The following ZEB2 variants were observed in gnomAD, a reference collection of about 807,000 sequenced individuals.
ZEB2 encodes zinc finger E-box-binding homeobox 2.
A neutral mutation model predicts 99.9 loss-of-function variants in ZEB2; 6 were observed. The ratio of observed to expected loss-of-function variants is 0.06; its 90% CI spans 0.03 to 0.12. The LOEUF (loss-of-function observed/expected upper bound fraction) is 0.12, where lower values mean the gene tolerates loss of function less well. ZEB2 is among the 10% of genes least tolerant of loss of function. The probability of loss-of-function intolerance (pLI) is 1.00; values close to 1 mark genes in which losing one functional copy is unlikely to be tolerated. For missense variants in ZEB2, 969 were observed against 1,502.8 expected (o/e 0.64, Z 5.87); for synonymous variants, 517 against 542.5 (o/e 0.95, Z 0.65).
At chr2:144,476,409 C>T (rs778105343) in intron 2 of ZEB2, among the ~76,000 whole-genome samples, 3 of 152,122 alleles carry the variant, frequency 2.0e-5, no homozygotes, top group Non-Finnish European at 4.4e-5. Flanking sequence ...CTCAGCACAC[C>T]TACTCACTTA....
chr2:144,409,708 A>G (rs527332284), intron 4 of ZEB2, among the ~76,000 whole-genome samples: 3 of 152,138 alleles, frequency 2.0e-5, no homozygotes, highest in Non-Finnish European at 2.9e-5. Context: ...TAGCTTGGGC[A>G]ACAAATCTCG....
At position 144,399,372 on chromosome 2, in the gene ZEB2, C is replaced by T. The variant is rs1168798357; in HGVS notation, c.1815G>A (p.Lys605=). The T allele has an allele frequency of 2.5e-6, 4 of 1,613,990 alleles. No homozygotes were observed. The African/African-American group carries it at 5.3e-5, about 22-fold the overall frequency. ...GGACCGCCTTGATCTCTTCATTCAT[C>T]TTACAAAGGTAACGTTCATGCTGAT... The part of the protein sequence containing the change: ...PLHQHERYLC[K]MNEEIKAVLQ... Residue 605 remains lysine (K), a synonymous_variant, in exon 8 of 10, where the codon AAG becomes AAA. Coordinates refer to ENST00000627532, the MANE Select transcript of ZEB2 (RefSeq NM_014795.4). The surrounding 1 kb of genome is among the most constrained non-coding windows in gnomAD (Gnocchi z 5.6).
intron 2 of ZEB2, among the ~76,000 whole-genome samples, chr2:144,469,501 A>C (rs1280329798): frequency 6.6e-6 from 1 of 152,140 alleles, no homozygotes; most frequent in East Asian, 1.9e-4. Context: ...CACCTAGCCC[A>C]TAACAGGCTT....
At chr2:144,402,984 G>T (rs376369551) in intron 6 of ZEB2, among the ~76,000 whole-genome samples, 2 of 152,148 alleles carry the variant, frequency 1.3e-5, no homozygotes, top group East Asian at 1.9e-4. Context: ...TAAGAATTTT[G>T]AATACAATAT....
At chr2:144,492,334 G>A (rs1704692870) in intron 2 of ZEB2, among the ~76,000 whole-genome samples, 1 of 152,168 alleles carries the variant, frequency 6.6e-6, no homozygotes, top group Admixed American at 6.5e-5. Flanking sequence ...TGATTGACTT[G>A]TTGACGGGCA....
intron 2 of ZEB2, among the ~76,000 whole-genome samples, chr2:144,493,114 T>C (rs1704706055): frequency 6.6e-6 from 1 of 152,204 alleles, no homozygotes; most frequent in Non-Finnish European, 1.5e-5. Flanking sequence ...CCAATCACTA[T>C]GACTATTTCT....
At chr2:144,405,737 CAG>C (rs925469089) in intron 4 of ZEB2, among the ~76,000 whole-genome samples, 1 of 151,850 alleles carries the variant, frequency 6.6e-6, no homozygotes, top group African/African-American at 2.4e-5. Context: ...TAAAAAGTAA[CAG>C]AGGGAGTTAA....
intron 2 of ZEB2, among the ~76,000 whole-genome samples, chr2:144,469,079 C>A (rs1420501097): frequency 6.6e-6 from 1 of 152,078 alleles, no homozygotes; most frequent in East Asian, 1.9e-4. Flanking sequence ...ACTTTTGAAC[C>A]TTTGGTGCTG....
At chr2:144,487,203 T>C (rs1450626488) in intron 2 of ZEB2, among the ~76,000 whole-genome samples, 4 of 152,170 alleles carry the variant, frequency 2.6e-5, no homozygotes, top group African/African-American at 9.7e-5. Context: ...TCTGCTCATG[T>C]GAACTTAAGT....
In ZEB2 at chr2:144,398,669, T is replaced by C; in HGVS notation, c.2518A>G (p.Ser840Gly). 1 of 1,613,990 alleles carries C rather than the reference T, an allele frequency of 6.2e-7. No homozygotes were observed. The highest frequency in any genetic ancestry group is 8.5e-7 in the Non-Finnish European group (1 of 1,179,998). The change falls in exon 8 of 10, where the codon AGT becomes GGT. Residue 840 changes from serine (S) to glycine (G), a missense_variant. Coordinates refer to ENST00000627532, the MANE Select transcript of ZEB2 (RefSeq NM_014795.4). ...CTGTTATGATCTAAACTGATGCTAC[T>C]AGCTTTTGTTTTGTTCTTTGTGGCT... ...IIATKNKTKASSISLDHNSVS... is the reference protein window; with the variant it reads ...IIATKNKTKAGSISLDHNSVS...
chr2:144,473,868 T>C (rs1204403005), intron 2 of ZEB2, among the ~76,000 whole-genome samples: 1 of 152,214 alleles, frequency 6.6e-6, no homozygotes, highest in Non-Finnish European at 1.5e-5. Context: ...AAGGACATTT[T>C]CTTTAAAAAA....
rs201251001 is a variant in ZEB2 at position 144,451,946 on chromosome 2, A to AT, written c.74-21921dup. Among the ~76,000 whole-genome samples the AT allele has an allele frequency of 8.6e-5, 13 of 151,870 alleles. No homozygotes were observed. In the East Asian group the frequency reaches 1.2e-3, roughly 14 times the overall value. ...TTTGTCAAGCTTTTTAAACATAACTATTTTTTTTCTCCAAATAACATCTTC... is the reference window on the plus strand; with the variant it reads ...TTTGTCAAGCTTTTTAAACATAACTATTTTTTTTTCTCCAAATAACATCTTC... On this transcript the variant is annotated intron_variant, in intron 2 of 9. Coordinates refer to ENST00000627532, the MANE Select transcript of ZEB2 (RefSeq NM_014795.4).
chr2:144,486,646 A>G (rs1704601367), intron 2 of ZEB2, among the ~76,000 whole-genome samples: 2 of 152,162 alleles, frequency 1.3e-5, no homozygotes, highest in Non-Finnish European at 2.9e-5. Flanking sequence ...GCATGTTGAA[A>G]TGTGTAATTA....
intron 2 of ZEB2, among the ~76,000 whole-genome samples, chr2:144,434,566 C>T (rs1421569589): frequency 6.6e-6 from 1 of 152,134 alleles, no homozygotes; most frequent in Non-Finnish European, 1.5e-5. Flanking sequence ...TACAAATTCC[C>T]AGTGCAGAAT....
intron 6 of ZEB2, among the ~76,000 whole-genome samples, chr2:144,403,376 T>A (rs1414245463): frequency 1.3e-5 from 2 of 152,094 alleles, no homozygotes; most frequent in Admixed American, 1.3e-4. Flanking sequence ...TTATTTTATA[T>A]ATTATATATA....
rs1703280469 is a variant in ZEB2, at chr2:144,399,639, C to T, written c.1548G>A (p.Val516=). ...TACTTTTAGTGGCACCATTATGACTCACTACCGGAAGACCGACAGGCGGAA... is the reference window on the plus strand; with the variant it reads ...TACTTTTAGTGGCACCATTATGACTTACTACCGGAAGACCGACAGGCGGAA... ...PNIPPVGLPV[V]SHNGATKSII... is the part of the protein sequence containing the mutation. The change falls in exon 8 of 10, where the codon GTG becomes GTA. Residue 516 remains valine, a synonymous_variant. Coordinates refer to ENST00000627532, the MANE Select transcript of ZEB2 (RefSeq NM_014795.4). The surrounding 1 kb of genome is among the most constrained non-coding windows in gnomAD (Gnocchi z 5.6). 6.2e-7 allele frequency: 1 copy of T among 1,614,192 alleles called. No homozygotes were observed.
intron 2 of ZEB2, 131 bp downstream of exon 2, chr2:144,517,147 G>C: frequency 9.8e-7 from 1 of 1,022,792 alleles, no homozygotes; most frequent in Non-Finnish European, 1.3e-6. Context: ...CGGCCGCGGA[G>C]GGAGGCTCGC....
In ZEB2 at chr2:144,430,808, TAGAC is replaced by T. The variant is rs776586183; in HGVS notation, c.74-786_74-783del. 7 of 152,564 alleles carry T rather than the reference TAGAC, an allele frequency of 4.6e-5. No individual in the cohort carries two copies. In the East Asian group the frequency reaches 5.8e-4, roughly 13 times the overall value. The allele number at this position is 152,564 out of a possible 1,614,324, so 9.5% of individuals were successfully genotyped here. On this transcript the variant is annotated intron_variant, in intron 2 of 9. Coordinates refer to ENST00000627532, the MANE Select transcript of ZEB2 (RefSeq NM_014795.4). ...CAATGCTCAGTAGCTTTTCTTAAAA[TAGAC>T]AGCCTGTAAATAAGGTCTGTGAACT...
intron 2 of ZEB2, among the ~76,000 whole-genome samples, chr2:144,498,114 TATATATTA>T (rs1704813602): frequency 9.4e-6 from 1 of 106,390 alleles, no homozygotes; most frequent in Non-Finnish European, 1.8e-5. Context: ...TATTATATAA[TATATATTA>T]ATATTATATA....
Sources: gnomAD v4.1 joint callset for allele counts (sites outside exome capture counted in the v4.1 genomes callset) on GRCh38, gnomAD v4.1.1 for gene constraint, Gnocchi (gnomAD v3.1) non-coding constraint, MANE v1.5 for transcripts, NCBI Gene and HGNC (gene_info 2026-07-23, HGNC 2026-07-21) for gene names.